The following DLGAP2 variants were observed in gnomAD, a reference collection of about 807,000 sequenced individuals.
DLGAP2 encodes disks large-associated protein 2.
In DLGAP2, 26 loss-of-function variants were observed where a neutral mutation model predicts 100.3. That is an observed-to-expected ratio of 0.26 (90% CI 0.19 to 0.36). The LOEUF (loss-of-function observed/expected upper bound fraction) is 0.36. DLGAP2 is among the 10% of genes least tolerant of loss of function. The pLI, the probability that DLGAP2 is intolerant of heterozygous loss-of-function variation, is 1.00. For synonymous variants in DLGAP2, 886 were observed against 630.1 expected (o/e 1.41, Z -6.08); for missense variants, 1,858 against 1,453.2 (o/e 1.28, Z -4.53).
At chr8:1,202,922 C>T (rs112055546) in intron 2 of DLGAP2, among the ~76,000 whole-genome samples, 2 of 152,358 alleles carry the variant, frequency 1.3e-5, no homozygotes, top group African/African-American at 4.8e-5. Context: ...GCATTTTTCA[C>T]AGATGGGGTG....
In DLGAP2 at chr8:834,520, C is replaced by T. The variant is rs532304682; in HGVS notation, c.19-73392C>T. Among the ~76,000 whole-genome samples the T allele has an allele frequency of 2.5e-4, 38 of 152,344 alleles. No homozygotes were observed. In the South Asian group the frequency reaches 7.2e-3, roughly 29 times the overall value. On this transcript the variant is annotated intron_variant, in intron 1 of 14. Coordinates refer to ENST00000637795, the MANE Select transcript of DLGAP2 (RefSeq NM_001346810.2). Reference sequence around the variant, plus strand: ...CAGCTTAAACATTAAGTGCAAATCTCATTGCTGTCTTCCACCTACCTGCAC... The same window carrying T: ...CAGCTTAAACATTAAGTGCAAATCTTATTGCTGTCTTCCACCTACCTGCAC...
At chr8:1,125,243 C>A (rs1487211406) in intron 2 of DLGAP2, among the ~76,000 whole-genome samples, 1 of 152,230 alleles carries the variant, frequency 6.6e-6, no homozygotes, top group Non-Finnish European at 1.5e-5. Context: ...AAAAATCTCC[C>A]TGTAAGATAT....
intron 1 of DLGAP2, among the ~76,000 whole-genome samples, chr8:881,562 C>T (rs1486736281): frequency 1.5e-5 from 2 of 136,382 alleles, no homozygotes; most frequent in East Asian, 2.0e-4. Context: ...TGCAGTGGCA[C>T]GATTTTGGCT....
At chr8:1,193,376 G>T (rs563313909) in intron 2 of DLGAP2, among the ~76,000 whole-genome samples, 1 of 152,210 alleles carries the variant, frequency 6.6e-6, no homozygotes, top group Non-Finnish European at 1.5e-5. Flanking sequence ...TAACTGGTCT[G>T]AGATGGTATC....
At chr8:772,749 C>G (rs1015480399) in intron 1 of DLGAP2, among the ~76,000 whole-genome samples, 5 of 152,216 alleles carry the variant, frequency 3.3e-5, no homozygotes, top group African/African-American at 1.2e-4. Flanking sequence ...GATGTGGGGT[C>G]ATGGCGCCCT....
intron 4 of DLGAP2, among the ~76,000 whole-genome samples, chr8:1,533,668 C>T (rs1801061081): frequency 6.6e-6 from 1 of 152,052 alleles, no homozygotes; most frequent in Non-Finnish European, 1.5e-5. Context: ...GAGTTTCTGT[C>T]ATCTTAAAAC....
chr8:770,382 A>G (rs1332287746), intron 1 of DLGAP2, among the ~76,000 whole-genome samples: 1 of 152,188 alleles, frequency 6.6e-6, no homozygotes, highest in Non-Finnish European at 1.5e-5. Flanking sequence ...TCACAGGTCC[A>G]TGCTATGCCA....
chr8:1,201,203 C>T lies in DLGAP2; in HGVS notation c.74-57648C>T, dbSNP rs1027608325. Among the ~76,000 whole-genome samples the T allele has an allele frequency of 5.9e-5, 9 of 152,196 alleles. No individual in the cohort carries two copies. In the South Asian group the frequency reaches 6.2e-4, roughly 10 times the overall value. The stretch of plus-strand genomic sequence containing the variant: ...AGGGAGCCCCTTGTCCATCAGGGTT[C>T]TCGAGAGACGCAGAACCAGGGGTGC... On this transcript the variant is annotated intron_variant, in intron 2 of 14. Transcript: ENST00000637795.
intron 3 of DLGAP2, among the ~76,000 whole-genome samples, chr8:1,422,303 T>C (rs1797113052): frequency 6.6e-6 from 1 of 152,134 alleles, no homozygotes; most frequent in Non-Finnish European, 1.5e-5. Flanking sequence ...GTTTTCACAA[T>C]AGGGAAGAAG....
chr8:909,065 A>G (rs966726632), intron 2 of DLGAP2, among the ~76,000 whole-genome samples: 29 of 152,308 alleles, frequency 1.9e-4, no homozygotes, highest in African/African-American at 6.7e-4. Flanking sequence ...ACGAGCATGG[A>G]TGGATGACAT....
chr8:990,291 T>G (rs1800621903), intron 2 of DLGAP2, among the ~76,000 whole-genome samples: 1 of 151,858 alleles, frequency 6.6e-6, no homozygotes, highest in African/African-American at 2.4e-5. Flanking sequence ...CTTCTGAAGT[T>G]TTCTATGAAA....
intron 10 of DLGAP2, among the ~76,000 whole-genome samples, chr8:1,670,289 C>T (rs891619496): frequency 6.6e-5 from 10 of 152,234 alleles, no homozygotes; most frequent in African/African-American, 2.2e-4. Flanking sequence ...GCACGCTCGG[C>T]ACAGTGCCGC....
At chr8:1,220,470 G>A (rs1798294478) in intron 2 of DLGAP2, among the ~76,000 whole-genome samples, 1 of 152,136 alleles carries the variant, frequency 6.6e-6, no homozygotes, top group Non-Finnish European at 1.5e-5. Flanking sequence ...CCAAGAGTGT[G>A]CTTGGTATGA....
chr8:1,231,820 C>T lies in DLGAP2; in HGVS notation c.74-27031C>T, dbSNP rs75742047. Among the ~76,000 whole-genome samples the T allele has an allele frequency of 5.4e-3, 826 of 152,034 alleles. 8 individuals are homozygous for T. Among genetic ancestry groups the T allele is most frequent in the African/African-American group, 0.019 (777 of 41,452 alleles). On this transcript the variant is annotated intron_variant, in intron 2 of 14. Coordinates refer to ENST00000637795, the MANE Select transcript of DLGAP2 (RefSeq NM_001346810.2). ...GGGCCGCTAGAGGAGGAAGGAAGGG[C>T]GGGAGGAAGTGTTGGAAAACTACTG...
chr8:1,178,645 G>T (rs75133087), intron 2 of DLGAP2, among the ~76,000 whole-genome samples: 1 of 152,080 alleles, frequency 6.6e-6, no homozygotes, highest in African/African-American at 2.4e-5. Flanking sequence ...TATAAATGCA[G>T]CTCAGCTCTC....
At chr8:990,204 C>G (rs959533205) in intron 2 of DLGAP2, among the ~76,000 whole-genome samples, 8 of 151,966 alleles carry the variant, frequency 5.3e-5, no homozygotes, top group African/African-American at 1.9e-4. Context: ...GAGAGTATTC[C>G]CAACTTTTCA....
intron 12 of DLGAP2, among the ~76,000 whole-genome samples, chr8:1,679,719 C>CAGGCGTGA (rs1798898341): frequency 6.6e-6 from 1 of 152,158 alleles, no homozygotes; most frequent in African/African-American, 2.4e-5. Flanking sequence ...CGGTGGCTCA[C>CAGGCGTGA]GCCTGTAATT....
rs527623334 is a variant in DLGAP2, at chr8:1,331,832, C to T, written c.106+72949C>T. Among the ~76,000 whole-genome samples the T allele has an allele frequency of 1.3e-3, 202 of 152,290 alleles. 1 individual carries two copies. In the Middle Eastern group the frequency reaches 0.054, roughly 41 times the overall value. ...TCTGGGATCTGTGAACAGGCAGGAG[C>T]AGAGGGAGAGTGGCTGTGGATCCCT... is the stretch of plus-strand genomic sequence containing the variant. On this transcript the variant is annotated intron_variant, in intron 3 of 14. Coordinates refer to ENST00000637795, the MANE Select transcript of DLGAP2 (RefSeq NM_001346810.2).
chr8:1,423,496 C>G (rs564076627), intron 3 of DLGAP2, among the ~76,000 whole-genome samples: 34 of 152,342 alleles, frequency 2.2e-4, no homozygotes, highest in African/African-American at 8.2e-4. Flanking sequence ...ACTTCTGGCA[C>G]CAGCTTGTCA....
Sources: allele counts gnomAD v4.1 joint callset (sites outside exome capture counted in the v4.1 genomes callset), GRCh38; gene constraint gnomAD v4.1.1; transcripts MANE v1.5; gene names NCBI Gene and HGNC (gene_info 2026-07-23, HGNC 2026-07-21).